STXBP3: variants seen among roughly 807,000 people sequenced by gnomAD.
The protein encoded by STXBP3 is syntaxin-binding protein 3.
STXBP3 carries 41 observed loss-of-function variants against 85.7 expected under a neutral mutation model. The ratio of observed to expected loss-of-function variants is 0.48; its 90% CI spans 0.37 to 0.62. The LOEUF (loss-of-function observed/expected upper bound fraction) is 0.62, where lower values mean the gene tolerates loss of function less well. STXBP3 is among the 20% of genes least tolerant of loss of function. The probability of loss-of-function intolerance (pLI) is 0.00; values close to 1 mark genes in which losing one functional copy is unlikely to be tolerated. For missense variants in STXBP3, 563 were observed against 703.1 expected (o/e 0.80, Z 2.25); for synonymous variants, 229 against 231.7 (o/e 0.99, Z 0.10).
chr1:108,808,373 A>G (rs1428901782), intron 18 of STXBP3, among the ~76,000 whole-genome samples: 5 of 152,202 alleles, frequency 3.3e-5, no homozygotes, highest in Non-Finnish European at 7.4e-5. Context: ...TAAGAATTTC[A>G]GTCAAAGCCA....
At position 108,758,549 on chromosome 1, in the gene STXBP3, G is replaced by T; in HGVS notation, c.298G>T (p.Glu100Ter). The T allele has an allele frequency of 6.5e-7, 1 of 1,546,964 alleles. No homozygotes were observed. The highest frequency in any genetic ancestry group is 8.8e-7 in the Non-Finnish European group (1 of 1,142,112). ...CTTACATGATTTTGCAAGTAAATCG[G>T]AGAACAAGTATAAAGCAGCATATAT... ...CFLHDFASKS[E>*]NKYKAAYIYF... Residue 100 changes from glutamate (E) to a stop codon, truncating the protein, a stop_gained, in exon 5 of 19, where the codon GAG (glutamate) becomes TAG (stop). Transcript: ENST00000370008. LOFTEE classifies it high-confidence loss of function.
At chr1:108,800,409 A>G in intron 17 of STXBP3, 104 bp downstream of exon 17, 1 of 751,386 alleles carries the variant, frequency 1.3e-6, no homozygotes, top group East Asian at 2.7e-5. Flanking sequence ...CAAGTATATA[A>G]TCCTGTATTT....
At chr1:108,794,772 A>G (rs1027942865) in intron 12 of STXBP3, 55 bp from the exon 13 acceptor site, 2 of 1,489,192 alleles carry the variant, frequency 1.3e-6, no homozygotes, top group East Asian at 4.7e-5. Context: ...TAATATTACC[A>G]GTTGCACAAA....
intron 3 of STXBP3, among the ~76,000 whole-genome samples, chr1:108,754,250 G>A (rs1010992664): frequency 6.6e-6 from 1 of 151,904 alleles, no homozygotes; most frequent in Non-Finnish European, 1.5e-5. Flanking sequence ...TGCCCAGGAT[G>A]GTCTCAAACT....
chr1:108,788,673 G>A (rs1189590238), intron 11 of STXBP3, among the ~76,000 whole-genome samples: 1 of 152,068 alleles, frequency 6.6e-6, no homozygotes, highest in Non-Finnish European at 1.5e-5. Context: ...ATTTTGAAAT[G>A]TCCTCTTATC....
At position 108,800,357 on chromosome 1, in the gene STXBP3, T is replaced by C. The variant is rs566483889; in HGVS notation, c.1535+52T>C. The C allele has an allele frequency of 8.9e-5, 121 of 1,363,456 alleles. No homozygotes were observed. In the African/African-American group the frequency reaches 1.5e-3, roughly 17 times the overall value. The allele number at this position is 1,363,456 out of a possible 1,614,324, so 84.5% of individuals were successfully genotyped here. A position where few individuals can be genotyped will look rare whatever the true frequency, so the allele number is the denominator to read the frequency against. On this transcript the variant is annotated intron_variant, in intron 17 of 18. Coordinates refer to ENST00000370008, the MANE Select transcript of STXBP3 (RefSeq NM_007269.4). ...AAATTTTCATTCTACGGACTAATAA[T>C]TTAAAATGGTACACAGATACTCATA...
intron 11 of STXBP3, 77 bp from the exon 12 acceptor site, chr1:108,793,505 A>G: frequency 7.9e-7 from 1 of 1,266,714 alleles, no homozygotes; most frequent in Non-Finnish European, 1.1e-6. Flanking sequence ...TAATTTGTAA[A>G]ACTCTAGGAT....
rs755839015 is a variant in STXBP3, at chr1:108,789,327, A to AT, written c.964-4245dup. 4.4e-3 allele frequency among the ~76,000 whole-genome samples: 652 copies of AT among 149,778 alleles called. 9 individuals are homozygous for AT. Among genetic ancestry groups the AT allele is most frequent in the African/African-American group, 0.013 (538 of 40,980 alleles). On this transcript the variant is annotated intron_variant, in intron 11 of 18. Transcript: ENST00000370008. ...TAAAACATTATGAGATGTTTTTGTG[A>AT]TTTTTTTTTTAACCTCATCAGCTAT... is the stretch of plus-strand genomic sequence containing the variant.
intron 6 of STXBP3, among the ~76,000 whole-genome samples, chr1:108,771,470 ATATATATC>A (rs1288729687): frequency 3.0e-5 from 3 of 100,384 alleles, no homozygotes; most frequent in Non-Finnish European, 5.6e-5. Context: ...AATATATATG[ATATATATC>A]TATATATATC....
chr1:108,752,297 C>T lies in STXBP3; in HGVS notation c.90C>T (p.Gly30=), dbSNP rs368365634. 84 of 1,606,662 alleles carry T rather than the reference C, an allele frequency of 5.2e-5. No individual in the cohort carries two copies. The highest frequency in any genetic ancestry group is 1.7e-4 in the African/African-American group (13 of 74,440). ...ATVFDDCKKE[G]EWKIMLLDEF... is the part of the protein sequence containing the mutation. ...TGTTTGATGACTGCAAGAAAGAAGGCGAATGGAAGGTAGAGTTTGCATACC... is the reference window on the plus strand; with the variant it reads ...TGTTTGATGACTGCAAGAAAGAAGGTGAATGGAAGGTAGAGTTTGCATACC... Residue 30 remains glycine, a synonymous_variant, in exon 2 of 19, where the codon GGC becomes GGT. Coordinates refer to ENST00000370008, the MANE Select transcript of STXBP3 (RefSeq NM_007269.4).
chr1:108,768,320 G>T (rs996194760), intron 6 of STXBP3, among the ~76,000 whole-genome samples: 1 of 152,010 alleles, frequency 6.6e-6, no homozygotes, highest in Non-Finnish European at 1.5e-5. Context: ...GGCTGGTCTC[G>T]AACTCCCGGG....
chr1:108,751,993 A>C (rs1463220662), intron 1 of STXBP3, among the ~76,000 whole-genome samples: 31 of 152,160 alleles, frequency 2.0e-4, no homozygotes, highest in Non-Finnish European at 7.4e-5. Flanking sequence ...AATTTTAGAA[A>C]TATTTTCTCG....
At chr1:108,804,344 G>A (rs1663287278) in intron 17 of STXBP3, among the ~76,000 whole-genome samples, 1 of 151,758 alleles carries the variant, frequency 6.6e-6, no homozygotes. Context: ...TTATTTTTCT[G>A]TTTTAGAAGT....
chr1:108,783,792 C>T (rs1020212629), intron 11 of STXBP3, among the ~76,000 whole-genome samples: 6 of 152,176 alleles, frequency 3.9e-5, no homozygotes, highest in African/African-American at 1.4e-4. Context: ...TAATTGAGTG[C>T]TCTAGTTGCT....
intron 17 of STXBP3, among the ~76,000 whole-genome samples, chr1:108,801,857 C>G (rs1663239126): frequency 6.6e-6 from 1 of 151,878 alleles, no homozygotes; most frequent in South Asian, 2.1e-4. Flanking sequence ...CTTGTAGAGA[C>G]AGGGTCTCAC....
intron 1 of STXBP3, among the ~76,000 whole-genome samples, chr1:108,751,537 T>A (rs1310177207): frequency 1.3e-5 from 2 of 152,004 alleles, no homozygotes; most frequent in Non-Finnish European, 2.9e-5. Context: ...TACTATAATT[T>A]ATATTTTAAT....
At chr1:108,754,291 C>T (rs1275856327) in intron 3 of STXBP3, among the ~76,000 whole-genome samples, 1 of 152,174 alleles carries the variant, frequency 6.6e-6, no homozygotes, top group Non-Finnish European at 1.5e-5. Context: ...TTGCCTTGGC[C>T]TCCCAAAGTG....
Position 108,793,637 on chromosome 1 carries a change from A to T in STXBP3, c.1019A>T (p.Gln340Leu). The T allele has an allele frequency of 1.2e-6, 2 of 1,611,532 alleles. No homozygotes were observed. Among genetic ancestry groups the T allele is most frequent in the Non-Finnish European group, 1.7e-6 (2 of 1,178,178 alleles). Residue 340 changes from glutamine to leucine, a missense_variant, in exon 12 of 19, where the codon CAG becomes CTG. Coordinates refer to ENST00000370008, the MANE Select transcript of STXBP3 (RefSeq NM_007269.4). ...LMKKMPHFRK[Q>L]ITKQVVHLNL... ...AAAAAGATGCCCCATTTCCGAAAAC[A>T]GATTACTAAGGTAAGCAGTATTGTA...
At chr1:108,794,695 T>C (rs1663052523) in intron 12 of STXBP3, 132 bp from the exon 13 acceptor site, 2 of 689,568 alleles carry the variant, frequency 2.9e-6, no homozygotes, top group Non-Finnish European at 4.9e-6. Context: ...CTTGAGCTGT[T>C]CCCTTGCTTA....
Sources: allele counts gnomAD v4.1 joint callset (sites outside exome capture counted in the v4.1 genomes callset), GRCh38; gene constraint gnomAD v4.1.1; transcripts MANE v1.5; gene names NCBI Gene and HGNC (gene_info 2026-07-23, HGNC 2026-07-21).